The following PIEZO2 variants were observed in gnomAD, a reference collection of about 807,000 sequenced individuals.
PIEZO2 encodes the protein piezo-type mechanosensitive ion channel component 2.
A neutral mutation model predicts 337.3 loss-of-function variants in PIEZO2; 172 were observed. The observed-to-expected ratio is 0.51, with a 90% CI of 0.45 to 0.58. The LOEUF (loss-of-function observed/expected upper bound fraction) is 0.58. Among genes scored for constraint, PIEZO2 ranks in the 20% least tolerant of loss-of-function variants. PIEZO2 has a pLI of 0.00. For synonymous variants in PIEZO2, 1,251 were observed against 1,228.5 expected, an observed-to-expected ratio of 1.02 and a Z score of -0.38; for missense variants, 3,028 against 3,391.3, an observed-to-expected ratio of 0.89 and a Z score of 2.66.
At chr18:10,687,017 G>C (rs2034573034) in intron 49 of PIEZO2, among the ~76,000 whole-genome samples, 1 of 152,142 alleles carries the variant, frequency 6.6e-6, no homozygotes, top group Admixed American at 6.5e-5. Flanking sequence ...TTAGCTCTCT[G>C]TTTCAGACCT....
chr18:10,886,408 A>ATG lies in PIEZO2; in HGVS notation c.330-14994_330-14993insCA, dbSNP rs2042600704. On this transcript the variant is annotated intron_variant, in intron 4 of 55. Coordinates refer to ENST00000674853, the MANE Select transcript of PIEZO2 (RefSeq NM_001378183.1). ...TATATATATATATATATATATATAT[A>ATG]TATATATATATATATGTAATCTCCA... is the stretch of plus-strand genomic sequence containing the variant. Among the ~76,000 whole-genome samples, 63 of 13,756 alleles carry ATG rather than the reference A, an allele frequency of 4.6e-3. 8 individuals carry two copies. The highest frequency in any genetic ancestry group is 0.019 in the South Asian group (3 of 160). 9.0% of individuals were successfully genotyped at this position (13,756 alleles called of 152,430 possible).
At chr18:10,992,712 C>G (rs2035156416) in intron 2 of PIEZO2, among the ~76,000 whole-genome samples, 1 of 152,148 alleles carries the variant, frequency 6.6e-6, no homozygotes, top group South Asian at 2.1e-4. Context: ...GCTATGCAGG[C>G]TCTATTTTGG....
At chr18:10,822,520 T>G (rs1382640434) in intron 7 of PIEZO2, among the ~76,000 whole-genome samples, 1 of 152,156 alleles carries the variant, frequency 6.6e-6, no homozygotes, top group Non-Finnish European at 1.5e-5. Context: ...GCTCCCTGAT[T>G]AGGAATGCTG....
intron 36 of PIEZO2, among the ~76,000 whole-genome samples, chr18:10,730,929 C>T (rs189503515): frequency 2.0e-5 from 3 of 151,922 alleles, no homozygotes; most frequent in Admixed American, 2.0e-4. Context: ...GGTTTCACCG[C>T]GTTAGCCAGG....
rs1598998411 is a variant in PIEZO2, at chr18:11,125,886, C to T, written c.64+22639G>A. Among the ~76,000 whole-genome samples, 1 of 152,196 alleles carries T rather than the reference C, an allele frequency of 6.6e-6. No homozygotes were observed. The highest frequency in any genetic ancestry group is 1.9e-4 in the East Asian group (1 of 5,194). ...CAAGAGAAATACACAGTCATTCACACCTGCTAACTTGAGGGCTGCCAGGGC... is the reference window on the plus strand; with the variant it reads ...CAAGAGAAATACACAGTCATTCACATCTGCTAACTTGAGGGCTGCCAGGGC... On this transcript the variant is annotated intron_variant, in intron 1 of 55. Coordinates refer to ENST00000674853, the MANE Select transcript of PIEZO2 (RefSeq NM_001378183.1). This position sits in a 1 kb window ranked among gnomAD's most constrained non-coding sequence, Gnocchi z 4.4.
intron 1 of PIEZO2, among the ~76,000 whole-genome samples, chr18:11,106,766 C>G (rs1434143608): frequency 2.0e-5 from 3 of 152,108 alleles, no homozygotes; most frequent in Non-Finnish European, 4.4e-5. Flanking sequence ...AAATAAAGAT[C>G]TTTTCACAAA....
intron 2 of PIEZO2, among the ~76,000 whole-genome samples, chr18:11,062,439 CAGCAAAAGAA>C (rs2037998387): frequency 6.6e-6 from 1 of 152,190 alleles, no homozygotes; most frequent in Admixed American, 6.5e-5. Flanking sequence ...AGCCTCTGCA[CAGCAAAAGAA>C]ACTACCATCA....
chr18:11,010,358 T>A (rs1045351122), intron 2 of PIEZO2, among the ~76,000 whole-genome samples: 1 of 152,178 alleles, frequency 6.6e-6, no homozygotes, highest in African/African-American at 2.4e-5. Context: ...TGTGAGCAGA[T>A]GCTGATTTAA....
rs2040370091 is a variant in PIEZO2, at chr18:11,132,524, A to G, written c.64+16001T>C. Among the ~76,000 whole-genome samples, 1 of 152,172 alleles carries G rather than the reference A, an allele frequency of 6.6e-6. No homozygotes were observed. Among genetic ancestry groups the G allele is most frequent in the Non-Finnish European group, 1.5e-5 (1 of 68,036 alleles). ...ATATGGTACTGTTTCTCTCATAGCC[A>G]GGATTCATATGTCCGGGAATCAGAA... On this transcript the variant is annotated intron_variant, in intron 1 of 55. Transcript: ENST00000674853. The surrounding 1 kb of genome is among the most constrained non-coding windows in gnomAD (Gnocchi z 4.7).
rs2039493718 is a variant in PIEZO2 at position 11,104,089 on chromosome 18, G to A, written c.65-37867C>T. Among the ~76,000 whole-genome samples, 1 of 152,244 alleles carries A rather than the reference G, an allele frequency of 6.6e-6. No homozygotes were observed. The highest frequency in any genetic ancestry group is 2.4e-5 in the African/African-American group (1 of 41,530). On this transcript the variant is annotated intron_variant, in intron 1 of 55. Transcript: ENST00000674853. This position sits in a 1 kb window ranked among gnomAD's most constrained non-coding sequence, Gnocchi z 4.6. The stretch of plus-strand genomic sequence containing the variant: ...CCAGTTGAAGACAATAGTGTAATAG[G>A]ATGTTAAAATTGGATTCTTCTTATC...
rs1236182141 is a variant in PIEZO2 at position 11,009,959 on chromosome 18, T to C, written c.161-30299A>G. 6.6e-6 allele frequency among the ~76,000 whole-genome samples: 1 copy of C among 152,092 alleles called. No homozygotes were observed. The highest frequency in any genetic ancestry group is 2.4e-5 in the African/African-American group (1 of 41,424). On this transcript the variant is annotated intron_variant, in intron 2 of 55. Transcript: ENST00000674853. The surrounding 1 kb of genome is among the most constrained non-coding windows in gnomAD (Gnocchi z 4.6). ...GATCTCAAATATCCAGCCTCCAGAA[T>C]GGTGAGATAATAAACGTCTGCTGTT...
At chr18:10,810,638 T>C (rs1448488617) in intron 7 of PIEZO2, among the ~76,000 whole-genome samples, 2 of 152,202 alleles carry the variant, frequency 1.3e-5, no homozygotes, top group Non-Finnish European at 2.9e-5. Context: ...CTAGATTATT[T>C]GGGGTTTACC....
At chr18:11,087,719 T>C (rs533609876) in intron 1 of PIEZO2, among the ~76,000 whole-genome samples, 8 of 152,332 alleles carry the variant, frequency 5.3e-5, no homozygotes, top group Admixed American at 2.0e-4. Flanking sequence ...TCATTTCAGG[T>C]TTTCACATGT....
At chr18:10,739,530 C>T (rs1438156373) in intron 33 of PIEZO2, 2 of 152,168 alleles carry the variant, frequency 1.3e-5, no homozygotes, top group Non-Finnish European at 2.9e-5. Flanking sequence ...TTCAATATGA[C>T]ACAATTTTGA....
chr18:10,933,286 T>C (rs1388725258), intron 3 of PIEZO2, among the ~76,000 whole-genome samples: 1 of 152,240 alleles, frequency 6.6e-6, no homozygotes, highest in Non-Finnish European at 1.5e-5. Flanking sequence ...AACGTTTACA[T>C]TACATTGGCC....
rs2039510842 is a variant in PIEZO2 at position 10,794,517 on chromosome 18, T to G, written c.1758+255A>C. 6.6e-6 allele frequency among the ~76,000 whole-genome samples: 1 copy of G among 152,214 alleles called. No homozygotes were observed. Among genetic ancestry groups the G allele is most frequent in the African/African-American group, 2.4e-5 (1 of 41,448 alleles). ...TAGTAGGATTTATACTTAAAAACAT[T>G]TATACAAGTTTTCTTTGAGTGGAAA... On this transcript the variant is annotated intron_variant, in intron 13 of 55. Transcript: ENST00000674853. The surrounding 1 kb of genome is among the most constrained non-coding windows in gnomAD (Gnocchi z 6.6).
intron 27 of PIEZO2, 62 bp from the exon 28 acceptor site, chr18:10,752,941 G>C: frequency 6.7e-7 from 1 of 1,490,956 alleles, no homozygotes; most frequent in Non-Finnish European, 8.9e-7. Context: ...GCAAAATCAG[G>C]AAAGTCTTTA....
chr18:10,963,309 T>G (rs2033865915), intron 3 of PIEZO2, among the ~76,000 whole-genome samples: 1 of 151,936 alleles, frequency 6.6e-6, no homozygotes, highest in Non-Finnish European at 1.5e-5. Context: ...AGAAATATTC[T>G]TAGAAAGAAT....
In PIEZO2 at chr18:10,813,271, G is replaced by T. The variant is rs906363167; in HGVS notation, c.918-5997C>A. On this transcript the variant is annotated intron_variant, in intron 7 of 55. Coordinates refer to ENST00000674853, the MANE Select transcript of PIEZO2 (RefSeq NM_001378183.1). The surrounding 1 kb of genome is among the most constrained non-coding windows in gnomAD (Gnocchi z 4.2). The stretch of plus-strand genomic sequence containing the variant: ...TGGCATTACAGGAGTGAGCCACCGC[G>T]CCCGGGCCATTTTAAACATTTTTAA... 6.6e-6 allele frequency among the ~76,000 whole-genome samples: 1 copy of T among 152,126 alleles called. No homozygotes were observed. The highest frequency in any genetic ancestry group is 1.5e-5 in the Non-Finnish European group (1 of 68,020).
Sources: gnomAD v4.1 joint callset for allele counts (sites outside exome capture counted in the v4.1 genomes callset) on GRCh38, gnomAD v4.1.1 for gene constraint, Gnocchi (gnomAD v3.1) non-coding constraint, MANE v1.5 for transcripts, NCBI Gene and HGNC (gene_info 2026-07-23, HGNC 2026-07-21) for gene names.